Variants in DYNC1H1 observed in about 807,000 individuals in gnomAD.
DYNC1H1 encodes the protein dynein cytoplasmic 1 heavy chain 1.
Under a neutral mutation model 527.1 loss-of-function variants are expected in DYNC1H1, and 51 were observed. That is an observed-to-expected ratio of 0.10 (90% CI 0.08 to 0.12). The LOEUF is 0.12. Among genes scored for constraint, DYNC1H1 ranks in the 10% least tolerant of loss-of-function variants. DYNC1H1 has a pLI of 1.00. For missense variants in DYNC1H1, 2,771 were observed against 5,971.8 expected (o/e 0.46, Z 17.66); for synonymous variants, 2,189 against 2,278.8 (o/e 0.96, Z 1.12).
intron 72 of DYNC1H1, 84 bp from the exon 73 acceptor site, chr14:102,047,733 T>G: frequency 1.9e-6 from 3 of 1,572,776 alleles, no homozygotes; most frequent in Non-Finnish European, 2.6e-6. Context: ...CCATGTGGCC[T>G]TTACGTTCAA....
chr14:101,964,710 G>C lies in DYNC1H1; in HGVS notation c.19G>C (p.Gly7Arg), dbSNP rs769682126. The stretch of plus-strand genomic sequence containing the variant: ...CGACACCATGTCGGAGCCCGGGGGC[G>C]GCGGCGGCGAGGACGGCTCGGCCGG... MSEPGG[G>R]GGEDGSAGLE... The change falls in exon 1 of 78, where the codon GGC becomes CGC. Residue 7 changes from glycine to arginine, a missense_variant. Physicochemically the swap from Gly to Arg is moderately radical, Grantham distance 125. Around this residue, in one of 32 missense-constraint regions of DYNC1H1, gnomAD observed 101 missense variants for 105.3 expected, o/e 0.96. Coordinates refer to ENST00000360184, the MANE Select transcript of DYNC1H1 (RefSeq NM_001376.5). This position sits in a 1 kb window ranked among gnomAD's most constrained non-coding sequence, Gnocchi z 5.5. The C allele has an allele frequency of 6.3e-7, 1 of 1,596,470 alleles. No individual in the cohort carries two copies. Among genetic ancestry groups the C allele is most frequent in the Non-Finnish European group, 8.5e-7 (1 of 1,176,122 alleles).
intron 10 of DYNC1H1, among the ~76,000 whole-genome samples, chr14:101,990,770 A>C (rs1305226343): frequency 6.6e-6 from 1 of 151,740 alleles, no homozygotes; most frequent in Non-Finnish European, 1.5e-5. Context: ...CAGCACTTTG[A>C]GAGGCCGAGG....
rs1313959114 is a variant in DYNC1H1, at chr14:102,054,222, C to T, written c.*3659C>T. Reference sequence around the variant, plus strand: ...GCCCTCCGTTGGCAGGGCAGAGCTCCGTCTTTTCCTCTCAACAGCTCTTCC... The same window carrying T: ...GCCCTCCGTTGGCAGGGCAGAGCTCTGTCTTTTCCTCTCAACAGCTCTTCC... On this transcript the variant is annotated 3_prime_UTR_variant, in exon 78 of 78. Coordinates refer to ENST00000360184, the MANE Select transcript of DYNC1H1 (RefSeq NM_001376.5). The T allele has an allele frequency of 2.0e-5, 3 of 152,318 alleles. No individual in the cohort carries two copies. Among genetic ancestry groups the T allele is most frequent in the African/African-American group, 7.2e-5 (3 of 41,528 alleles). The allele number at this position is 152,318 out of a possible 1,614,324, so 9.4% of individuals were successfully genotyped here. A position where few individuals can be genotyped will look rare whatever the true frequency, so the allele number is the denominator to read the frequency against.
At position 102,042,101 on chromosome 14, in the gene DYNC1H1, C is replaced by T. The variant is rs750249796; in HGVS notation, c.12191C>T (p.Thr4064Met). The change falls in exon 66 of 78, where the codon ACG (threonine) becomes ATG (methionine). Residue 4064 changes from threonine to methionine, a missense_variant. Physicochemically the swap from Thr to Met is moderately conservative, Grantham distance 81. Transcript: ENST00000360184. This position sits in a 1 kb window ranked among gnomAD's most constrained non-coding sequence, Gnocchi z 5.7. ...HVEDLAAEQN[T>M]QITSIAIGSA... is the part of the protein sequence containing the mutation. ...GAGGACCTTGCAGCCGAGCAGAACA[C>T]GCAGATCACTTCAATTGCAATCGGT... The T allele has an allele frequency of 2.3e-5, 37 of 1,614,080 alleles. No homozygotes were observed. Among genetic ancestry groups the T allele is most frequent in the Non-Finnish European group, 2.9e-5 (34 of 1,180,026 alleles).
chr14:102,002,504 G>A lies in DYNC1H1; in HGVS notation c.4543-33G>A. Reference sequence around the variant, plus strand: ...GGCATATCTGTGAGTAGAAGGGTCAGCAGTTTACCTCTCCCTCCTGTCTGC... The same window carrying A: ...GGCATATCTGTGAGTAGAAGGGTCAACAGTTTACCTCTCCCTCCTGTCTGC... On this transcript the variant is annotated intron_variant, in intron 21 of 77. Coordinates refer to ENST00000360184, the MANE Select transcript of DYNC1H1 (RefSeq NM_001376.5). This position sits in a 1 kb window ranked among gnomAD's most constrained non-coding sequence, Gnocchi z 4.4. The A allele has an allele frequency of 1.9e-6, 3 of 1,613,452 alleles. No individual in the cohort carries two copies. The highest frequency in any genetic ancestry group is 1.3e-5 in the African/African-American group (1 of 75,030).
At chr14:102,003,373 T>C (rs888211465) in intron 23 of DYNC1H1, among the ~76,000 whole-genome samples, 3 of 151,954 alleles carry the variant, frequency 2.0e-5, no homozygotes, top group Non-Finnish European at 4.4e-5. Flanking sequence ...GTGATTCTCT[T>C]TCCTCAGCCT....
At position 102,039,524 on chromosome 14, in the gene DYNC1H1, T is replaced by C; in HGVS notation, c.11573T>C (p.Ile3858Thr). 1.2e-6 allele frequency: 2 copies of C among 1,614,220 alleles called. No individual in the cohort carries two copies. Among genetic ancestry groups the C allele is most frequent in the South Asian group, 2.2e-5 (2 of 91,086 alleles). Residue 3858 changes from isoleucine to threonine, a missense_variant, in exon 61 of 78, where the codon ATT becomes ACT. Coordinates refer to ENST00000360184, the MANE Select transcript of DYNC1H1 (RefSeq NM_001376.5). This position sits in a 1 kb window ranked among gnomAD's most constrained non-coding sequence, Gnocchi z 7.0. ...GVTDHTQRLSIITKDLFQVAF... is the reference protein window; with the variant it reads ...GVTDHTQRLSTITKDLFQVAF... Reference sequence around the variant, plus strand: ...ACCGACCACACACAGCGCCTGTCCATTATAACAAAGGACCTCTTCCAGGTA... The same window carrying C: ...ACCGACCACACACAGCGCCTGTCCACTATAACAAAGGACCTCTTCCAGGTA...
rs1211164243 is a variant in DYNC1H1 at position 102,020,080 on chromosome 14, T to G, written c.8507+24T>G. 1 of 1,613,158 alleles carries G rather than the reference T, an allele frequency of 6.2e-7. No individual in the cohort carries two copies. Among genetic ancestry groups the G allele is most frequent in the Non-Finnish European group, 8.5e-7 (1 of 1,179,694 alleles). ...AGGTAAGGGAAGCCGAGGATCCAGT[T>G]GGTCCCATTCTCCCCTGCTCTGAGT... On this transcript the variant is annotated intron_variant, in intron 42 of 77. Coordinates refer to ENST00000360184, the MANE Select transcript of DYNC1H1 (RefSeq NM_001376.5). The surrounding 1 kb of genome is among the most constrained non-coding windows in gnomAD (Gnocchi z 4.3).
intron 72 of DYNC1H1, 162 bp from the exon 73 acceptor site, chr14:102,047,637 GTGTGTATATATATATATA>G: frequency 5.1e-6 from 2 of 392,542 alleles, no homozygotes; most frequent in Non-Finnish European, 8.5e-6. Context: ...GTGTGTGTGT[GTGTGTATATATATATATA>G]TATATATATG....
At chr14:101,968,852 A>G (rs956300418) in intron 1 of DYNC1H1, among the ~76,000 whole-genome samples, 1 of 152,026 alleles carries the variant, frequency 6.6e-6, no homozygotes, top group East Asian at 1.9e-4. Context: ...GTGCGCCATG[A>G]CATCCAGCCT....
chr14:102,024,963 G>A (rs1447707596), intron 43 of DYNC1H1, among the ~76,000 whole-genome samples: 1 of 151,470 alleles, frequency 6.6e-6, no homozygotes, highest in Non-Finnish European at 1.5e-5. Flanking sequence ...CAAAGTGCTG[G>A]GATTACAGGC....
At chr14:101,987,430 A>G in intron 8 of DYNC1H1, 23 bp from the exon 9 acceptor site, 7 of 1,609,458 alleles carry the variant, frequency 4.3e-6, no homozygotes, top group Non-Finnish European at 5.9e-6. Context: ...GGTGTTTTAA[A>G]TATTAAATAT....
chr14:102,026,567 T>C lies in DYNC1H1; in HGVS notation c.8638-7T>C, dbSNP rs201446705. 56 of 1,614,106 alleles carry C rather than the reference T, an allele frequency of 3.5e-5. No individual in the cohort carries two copies. The African/African-American group carries it at 6.8e-4, about 20-fold the overall frequency. The stretch of plus-strand genomic sequence containing the variant: ...AAGTAATTTGGGTATTACCTTTTTT[T>C]CTATAGGATTACATCCCAGTAGACC... On this transcript the variant is annotated splice_region_variant and splice_polypyrimidine_tract_variant and intron_variant, in intron 43 of 77. Transcript: ENST00000360184.
At chr14:101,982,967 TTAG>T (rs1197931536) in intron 5 of DYNC1H1, 49 bp from the exon 6 acceptor site, 2 of 1,603,170 alleles carry the variant, frequency 1.2e-6, no homozygotes, top group African/African-American at 2.7e-5. Context: ...TTTAGTTTAC[TTAG>T]TTTTGTTACT....
chr14:102,011,155 A>T lies in DYNC1H1; in HGVS notation c.6618+203A>T. 2.8e-5 allele frequency: 18 copies of T among 637,526 alleles called. No homozygotes were observed. In the South Asian group the frequency reaches 3.0e-4, roughly 11 times the overall value. The allele number at this position is 637,526 out of a possible 1,614,324, so 39.5% of individuals were successfully genotyped here. On this transcript the variant is annotated intron_variant, in intron 32 of 77. Transcript: ENST00000360184. This position sits in a 1 kb window ranked among gnomAD's most constrained non-coding sequence, Gnocchi z 5.3. Reference sequence around the variant, plus strand: ...AAGAGGAAACAATACTTAACCTGAAAATTTTACATGATACAGTTCAATTTC... The same window carrying T: ...AAGAGGAAACAATACTTAACCTGAATATTTTACATGATACAGTTCAATTTC...
rs1567022404 is a variant in DYNC1H1, at chr14:102,041,941, G to A, written c.12103-72G>A. The A allele has an allele frequency of 4.5e-6, 7 of 1,562,600 alleles. No individual in the cohort carries two copies. The East Asian group carries it at 1.6e-4, about 35-fold the overall frequency. On this transcript the variant is annotated intron_variant, in intron 65 of 77. Coordinates refer to ENST00000360184, the MANE Select transcript of DYNC1H1 (RefSeq NM_001376.5). This position sits in a 1 kb window ranked among gnomAD's most constrained non-coding sequence, Gnocchi z 4.5. ...ACATCTTCTCAGGCCCCTCACTCGG[G>A]GCTCTCCTTTCCCTTGACAGGTACA...
At chr14:102,023,769 G>A (rs564955276) in intron 43 of DYNC1H1, 1 of 152,392 alleles carries the variant, frequency 6.6e-6, no homozygotes, top group Non-Finnish European at 1.5e-5. Flanking sequence ...TTGAACCCGG[G>A]AGACAGAGGT....
rs1424037930 is a variant in DYNC1H1, at chr14:101,964,767, G to C, written c.76G>C (p.Asp26His). ...AGTGTCGGCCGTGCAGAATGTGGCGGACGTGTCGGTGCTGCAGAAGCACCT... is the reference window on the plus strand; with the variant it reads ...AGTGTCGGCCGTGCAGAATGTGGCGCACGTGTCGGTGCTGCAGAAGCACCT... ...LEVSAVQNVA[D>H]VSVLQKHLRK... Residue 26 changes from aspartate (D) to histidine (H), a missense_variant, in exon 1 of 78, where the codon GAC becomes CAC. Physicochemically the swap from Asp to His is moderately conservative, Grantham distance 81. Coordinates refer to ENST00000360184, the MANE Select transcript of DYNC1H1 (RefSeq NM_001376.5). This position sits in a 1 kb window ranked among gnomAD's most constrained non-coding sequence, Gnocchi z 5.5. 6.2e-7 allele frequency: 1 copy of C among 1,600,260 alleles called. No homozygotes were observed. Among genetic ancestry groups the C allele is most frequent in the Admixed American group, 1.7e-5 (1 of 59,096 alleles).
chr14:101,979,765 C>T lies in DYNC1H1; in HGVS notation c.565C>T (p.Leu189Phe). The part of the protein sequence containing the change: ...APSVEKKIAE[L>F]EMGLLHLQQN... The stretch of plus-strand genomic sequence containing the variant: ...TTCAGTTGAAAAGAAGATTGCAGAA[C>T]TCGAAATGGGACTCCTTCACTTGCA... The change falls in exon 4 of 78, where the codon CTC becomes TTC. Residue 189 changes from leucine (L) to phenylalanine (F), a missense_variant. Leu to Phe is a conservative substitution (Grantham distance 22). This residue lies in a region of DYNC1H1 where 146 missense variants were observed against 288.1 expected (regional missense o/e 0.51). Coordinates refer to ENST00000360184, the MANE Select transcript of DYNC1H1 (RefSeq NM_001376.5). The surrounding 1 kb of genome is among the most constrained non-coding windows in gnomAD (Gnocchi z 4.6). 3 of 1,614,132 alleles carry T rather than the reference C, an allele frequency of 1.9e-6. No homozygotes were observed. The highest frequency in any genetic ancestry group is 2.5e-6 in the Non-Finnish European group (3 of 1,180,022).
Sources: gnomAD v4.1 joint callset for allele counts (sites outside exome capture counted in the v4.1 genomes callset) on GRCh38, gnomAD v4.1.1 for gene constraint, gnomAD v4.1.1 regional missense constraint, Gnocchi (gnomAD v3.1) non-coding constraint, MANE v1.5 for transcripts, NCBI Gene and HGNC (gene_info 2026-07-23, HGNC 2026-07-21) for gene names.